The following DHRSX variants were observed in gnomAD, a reference collection of about 807,000 sequenced individuals.
DHRSX encodes the protein dehydrogenase/reductase X-linked, also known as polyprenol dehydrogenase.
Under a neutral mutation model 34.0 loss-of-function variants are expected in DHRSX, and 31 were observed. The observed-to-expected ratio is 0.91, with a 90% CI of 0.69 to 1.23. The LOEUF (loss-of-function observed/expected upper bound fraction) is 1.23. DHRSX is among the 50% of genes most tolerant of loss of function. The probability of loss-of-function intolerance (pLI) is 0.00; values close to 1 mark genes in which losing one functional copy is unlikely to be tolerated. For missense variants in DHRSX, 414 were observed against 428.1 expected (o/e 0.97, Z 0.29); for synonymous variants, 201 against 183.8 (o/e 1.09, Z -0.76).
chrX:2,471,437 G>A (rs1193705755), intron 1 of DHRSX, among the ~76,000 whole-genome samples: 2 of 151,244 alleles, frequency 1.3e-5, no homozygotes, highest in Non-Finnish European at 2.9e-5. Context: ...TGTGGTGGCA[G>A]GCACCTGCAA....
chrX:2,238,950 T>C lies in DHRSX; in HGVS notation c.804+4073A>G, dbSNP rs759780924. ...TGCATACACACTAGTAAATAATACA[T>C]ACACAGCAATACAGAATTATCATTA... is the stretch of plus-strand genomic sequence containing the variant. On this transcript the variant is annotated intron_variant, in intron 6 of 6. Transcript: ENST00000334651. Among the ~76,000 whole-genome samples the C allele has an allele frequency of 1.4e-3, 217 of 152,184 alleles. 1 individual carries two copies. The highest frequency in any genetic ancestry group is 4.9e-3 in the African/African-American group (205 of 41,528).
chrX:2,317,051 G>A (rs1368024154), intron 3 of DHRSX, among the ~76,000 whole-genome samples: 1 of 152,054 alleles, frequency 6.6e-6, no homozygotes, highest in Non-Finnish European at 1.5e-5. Flanking sequence ...TTCGCCTCCC[G>A]GGTTCAAGTG....
intron 2 of DHRSX, among the ~76,000 whole-genome samples, chrX:2,413,301 AG>A (rs201102295): frequency 0.062 from 9,486 of 152,126 alleles, 415 homozygotes; most frequent in East Asian, 0.15. Flanking sequence ...GTTTGACAGA[AG>A]GTATAAGTTC....
At chrX:2,265,480 C>T (rs1225116977) in intron 5 of DHRSX, among the ~76,000 whole-genome samples, 1 of 78,320 alleles carries the variant, frequency 1.3e-5, no homozygotes, top group Admixed American at 1.5e-4. Flanking sequence ...GCACCAGTGT[C>T]CAGCAGAAGC....
At chrX:2,373,983 G>C (rs2043111067) in intron 3 of DHRSX, among the ~76,000 whole-genome samples, 1 of 152,182 alleles carries the variant, frequency 6.6e-6, no homozygotes, top group South Asian at 2.1e-4. Context: ...TAGCATCTTA[G>C]CATAGCAAGT....
intron 3 of DHRSX, among the ~76,000 whole-genome samples, chrX:2,342,559 C>T (rs1000105442): frequency 6.6e-6 from 1 of 151,852 alleles, no homozygotes; most frequent in Non-Finnish European, 1.5e-5. Context: ...ACCATGTCAA[C>T]CCCGCAGATG....
At chrX:2,411,554 CAAAAAAA>C (rs774788900) in intron 2 of DHRSX, among the ~76,000 whole-genome samples, 5 of 55,556 alleles carry the variant, frequency 9.0e-5, no homozygotes, top group African/African-American at 2.1e-4. Context: ...AACTCTGTCC[CAAAAAAA>C]AAAAAAAAAA....
intron 5 of DHRSX, 62 bp downstream of exon 5, chrX:2,266,678 G>A: frequency 6.7e-7 from 1 of 1,499,376 alleles, no homozygotes; most frequent in East Asian, 2.3e-5. Flanking sequence ...ACAGACAGAG[G>A]GAGATGAATA....
intron 3 of DHRSX, among the ~76,000 whole-genome samples, chrX:2,322,472 G>C (rs1194215304): frequency 1.3e-5 from 2 of 151,052 alleles, no homozygotes; most frequent in Non-Finnish European, 2.9e-5. Flanking sequence ...TCACTTGAAC[G>C]TGGGAGGCGT....
chrX:2,324,769 CTTTTTTTTTTTT>C (rs570670358), intron 3 of DHRSX, among the ~76,000 whole-genome samples: 1 of 131,030 alleles, frequency 7.6e-6, no homozygotes, highest in African/African-American at 2.9e-5. Flanking sequence ...TTTTTCTTTT[CTTTTTTTTTTTT>C]TTTTTGAGAT....
intron 3 of DHRSX, among the ~76,000 whole-genome samples, chrX:2,357,456 C>T (rs1294041414): frequency 6.6e-6 from 1 of 151,950 alleles, no homozygotes; most frequent in Non-Finnish European, 1.5e-5. Context: ...TCAACCTCAT[C>T]CTGATGAAAC....
At chrX:2,223,513 G>C (rs1195019676) in intron 6 of DHRSX, among the ~76,000 whole-genome samples, 2 of 152,234 alleles carry the variant, frequency 1.3e-5, no homozygotes, top group Non-Finnish European at 1.5e-5. Flanking sequence ...GCCATGGCTT[G>C]GCTCTTGCAG....
chrX:2,419,841 A>C, intron 2 of DHRSX, among the ~76,000 whole-genome samples: 1 of 137,602 alleles, frequency 7.3e-6, no homozygotes, highest in African/African-American at 2.7e-5. Flanking sequence ...GGGGGGAGGG[A>C]TAGCATTAGG....
At position 2,266,698 on chromosome X, in the gene DHRSX, C is replaced by T. The variant is rs754554937; in HGVS notation, c.596+42G>A. 6.3e-6 allele frequency: 10 copies of T among 1,585,308 alleles called. No individual in the cohort carries two copies. In the African/African-American group the frequency reaches 1.3e-4, roughly 21 times the overall value. ...CAGAGGGAGATGAATAACCTTTAAC[C>T]CACCTGAGATGCTGTTATGATTATT... is the stretch of plus-strand genomic sequence containing the variant. On this transcript the variant is annotated intron_variant, in intron 5 of 6. Transcript: ENST00000334651.
intron 3 of DHRSX, among the ~76,000 whole-genome samples, chrX:2,392,104 C>T (rs1018518511): frequency 2.0e-5 from 3 of 152,082 alleles, no homozygotes; most frequent in African/African-American, 7.2e-5. Context: ...CACAGGGAGG[C>T]CACAGGCAAT....
intron 3 of DHRSX, among the ~76,000 whole-genome samples, chrX:2,341,287 C>G (rs2042636653): frequency 6.6e-6 from 1 of 152,122 alleles, no homozygotes; most frequent in South Asian, 2.1e-4. Flanking sequence ...TGACCCCAAA[C>G]TAGGGAGCTT....
intron 3 of DHRSX, among the ~76,000 whole-genome samples, chrX:2,393,981 G>A (rs1569496851): frequency 2.0e-5 from 3 of 152,220 alleles, no homozygotes; most frequent in Admixed American, 1.3e-4. Context: ...TCAGGGACGC[G>A]TGTCCATGGT....
chrX:2,491,449 C>T (rs181688726), intron 1 of DHRSX, among the ~76,000 whole-genome samples: 197 of 152,228 alleles, frequency 1.3e-3, no homozygotes, highest in African/African-American at 4.3e-3. Flanking sequence ...GGGAAAGCTG[C>T]GTAGATCTTT....
chrX:2,489,487 C>T (rs2034968630), intron 1 of DHRSX: 1 of 1,613,664 alleles, frequency 6.2e-7, no homozygotes, highest in East Asian at 2.2e-5. Context: ...TGGAGGCCGA[C>T]AGCATCTCGG....
Sources: allele counts gnomAD v4.1 joint callset (sites outside exome capture counted in the v4.1 genomes callset), GRCh38; gene constraint gnomAD v4.1.1; transcripts MANE v1.5; gene names NCBI Gene and HGNC (gene_info 2026-07-23, HGNC 2026-07-21).